EHHADH: variants seen among roughly 807,000 people sequenced by gnomAD.
EHHADH encodes enoyl-CoA hydratase and 3-hydroxyacyl CoA dehydrogenase.
A neutral mutation model predicts 64.4 loss-of-function variants in EHHADH; 48 were observed. That is an observed-to-expected ratio of 0.75 (90% CI 0.59 to 0.95). The LOEUF is 0.95. Among genes scored for constraint, EHHADH ranks in the 40% least tolerant of loss-of-function variants. EHHADH has a pLI of 0.00. For missense variants in EHHADH, 854 were observed against 876.6 expected, an observed-to-expected ratio of 0.97 and a Z score of 0.33; for synonymous variants, 308 against 326.7, an observed-to-expected ratio of 0.94 and a Z score of 0.62.
intron 5 of EHHADH, among the ~76,000 whole-genome samples, chr3:185,207,304 TAG>T (rs1476734694): frequency 6.6e-6 from 1 of 151,430 alleles, no homozygotes; most frequent in East Asian, 1.9e-4. Context: ...AAAAAAAAAT[TAG>T]ACATTGAGAT....
intron 4 of EHHADH, among the ~76,000 whole-genome samples, chr3:185,223,144 G>A (rs751104374): frequency 3.3e-5 from 5 of 152,052 alleles, no homozygotes; most frequent in Non-Finnish European, 7.4e-5. Context: ...TCAAAGCAGA[G>A]ACCTCTGTTA....
At chr3:185,201,009 TAA>T (rs1446122788) in intron 6 of EHHADH, among the ~76,000 whole-genome samples, 1 of 151,542 alleles carries the variant, frequency 6.6e-6, no homozygotes, top group Non-Finnish European at 1.5e-5. Flanking sequence ...GAGAAGAAAA[TAA>T]AGATAAGGGG....
At chr3:185,249,991 G>A (rs1178239485) in intron 1 of EHHADH, among the ~76,000 whole-genome samples, 1 of 152,176 alleles carries the variant, frequency 6.6e-6, no homozygotes, top group Non-Finnish European at 1.5e-5. Flanking sequence ...CAGCCACCTT[G>A]GATCAGGAGG....
intron 5 of EHHADH, among the ~76,000 whole-genome samples, chr3:185,206,300 T>G (rs1017754574): frequency 2.0e-4 from 30 of 150,754 alleles, no homozygotes; most frequent in Non-Finnish European, 1.0e-4. Context: ...AAAAAAAAAT[T>G]TAGGTCCTTA....
At chr3:185,210,055 G>C (rs1178908760) in intron 5 of EHHADH, among the ~76,000 whole-genome samples, 3 of 152,170 alleles carry the variant, frequency 2.0e-5, no homozygotes, top group Non-Finnish European at 4.4e-5. Flanking sequence ...ATGGACAATG[G>C]GGAGAGGAAG....
chr3:185,204,534 C>G lies in EHHADH; in HGVS notation c.792G>C (p.Gln264His). The change falls in exon 6 of 7, where the codon CAG becomes CAC. Residue 264 changes from glutamine (Q) to histidine (H), a missense_variant. Physicochemically the swap from Gln to His is conservative, Grantham distance 24. Coordinates refer to ENST00000231887, the MANE Select transcript of EHHADH (RefSeq NM_001966.4). ...AGAAAGCATATTGCAGGGCTCTAGC[C>G]TGCCCTGATTGCAAAAGATATAGAA... Reference protein sequence around the residue: ...ELFLYLLQSGQARALQYAFFA... With the variant: ...ELFLYLLQSGHARALQYAFFA... 1 of 1,614,188 alleles carries G rather than the reference C, an allele frequency of 6.2e-7. No homozygotes were observed. The highest frequency in any genetic ancestry group is 8.5e-7 in the Non-Finnish European group (1 of 1,180,022).
chr3:185,223,173 T>C (rs780905635), intron 4 of EHHADH, among the ~76,000 whole-genome samples: 5 of 152,236 alleles, frequency 3.3e-5, no homozygotes, highest in Non-Finnish European at 7.3e-5. Context: ...CCATGTCTGC[T>C]ATCTTCATTT....
intron 4 of EHHADH, among the ~76,000 whole-genome samples, chr3:185,225,998 C>T (rs1412472430): frequency 6.6e-6 from 1 of 152,152 alleles, no homozygotes; most frequent in African/African-American, 2.4e-5. Context: ...TTATCTCCAC[C>T]TGTCTATATC....
At chr3:185,211,516 C>T (rs1672886318) in intron 5 of EHHADH, among the ~76,000 whole-genome samples, 2 of 152,188 alleles carry the variant, frequency 1.3e-5, no homozygotes, top group Non-Finnish European at 2.9e-5. Context: ...AGAGACTCAA[C>T]ATGCGGTTCA....
chr3:185,229,287 T>G (rs1719089099), intron 4 of EHHADH, 145 bp downstream of exon 4: 1 of 412,726 alleles, frequency 2.4e-6, no homozygotes, highest in Admixed American at 4.4e-5. Context: ...TTCTCCATAT[T>G]ACAGATCAGA....
intron 6 of EHHADH, among the ~76,000 whole-genome samples, chr3:185,203,769 C>T (rs938242879): frequency 1.3e-5 from 2 of 152,050 alleles, no homozygotes; most frequent in African/African-American, 4.8e-5. Context: ...CAGGCCACAC[C>T]TTGAAATGTG....
At chr3:185,211,211 A>C (rs2058747029) in intron 5 of EHHADH, among the ~76,000 whole-genome samples, 1 of 152,220 alleles carries the variant, frequency 6.6e-6, no homozygotes, top group South Asian at 2.1e-4. Context: ...GGTAGTTTTC[A>C]AGTCACTCAG....
At chr3:185,223,858 GAC>G (rs1186042165) in intron 4 of EHHADH, among the ~76,000 whole-genome samples, 1 of 152,194 alleles carries the variant, frequency 6.6e-6, no homozygotes, top group Non-Finnish European at 1.5e-5. Context: ...AGAGGAGCAG[GAC>G]ACTGTAGTCC....
At chr3:185,250,300 G>A (rs17205271) in intron 1 of EHHADH, among the ~76,000 whole-genome samples, 8,692 of 152,230 alleles carry the variant, frequency 0.057, 330 homozygotes, top group Admixed American at 0.084. Flanking sequence ...GACTGAATGA[G>A]TCTACCAAAG....
At position 185,229,424 on chromosome 3, in the gene EHHADH, A is replaced by G. The variant is rs41268595; in HGVS notation, c.463+8T>C. On this transcript the variant is annotated splice_region_variant and intron_variant, in intron 4 of 6. Coordinates refer to ENST00000231887, the MANE Select transcript of EHHADH (RefSeq NM_001966.4). ...ATCTAGACAGTTGTTGCCAAGGTCTATACTGACCTGAGGTAATTAAGTCAA... is the reference window on the plus strand; with the variant it reads ...ATCTAGACAGTTGTTGCCAAGGTCTGTACTGACCTGAGGTAATTAAGTCAA... 0.072 allele frequency: 107,434 copies of G among 1,496,642 alleles called. 4,190 individuals carry two copies. Among genetic ancestry groups the G allele is most frequent in the Admixed American group, 0.1 (5,234 of 52,152 alleles). The allele number at this position is 1,496,642 out of a possible 1,614,324, so 92.7% of individuals were successfully genotyped here. A position where few individuals can be genotyped will look rare whatever the true frequency, so the allele number is the denominator to read the frequency against.
At chr3:185,251,606 A>ATG (rs1320272067) in intron 1 of EHHADH, among the ~76,000 whole-genome samples, 9 of 71,778 alleles carry the variant, frequency 1.3e-4, no homozygotes, top group African/African-American at 4.6e-4. Context: ...GAAAAAATTT[A>ATG]TATGTGTGTG....
At chr3:185,245,786 T>C (rs965486846) in intron 2 of EHHADH, 28 of 719,520 alleles carry the variant, frequency 3.9e-5, no homozygotes, top group Non-Finnish European at 6.5e-5. Context: ...ATCTGTAAAG[T>C]TGACAGAAGA....
At chr3:185,221,567 A>ATT (rs982017002) in intron 4 of EHHADH, among the ~76,000 whole-genome samples, 4 of 107,548 alleles carry the variant, frequency 3.7e-5, no homozygotes, top group African/African-American at 3.4e-5. Context: ...GCCTCATGAT[A>ATT]TTTTTTTTTC....
chr3:185,191,648 T>TATGTAGTG lies in EHHADH; in HGVS notation c.*577_*578insCACTACAT, dbSNP rs1717871467. 6.5e-6 allele frequency: 1 copy of TATGTAGTG among 153,104 alleles called. No homozygotes were observed. The highest frequency in any genetic ancestry group is 6.5e-5 in the Admixed American group (1 of 15,374). The allele number at this position is 153,104 out of a possible 1,614,324, so 9.5% of individuals were successfully genotyped here. On this transcript the variant is annotated 3_prime_UTR_variant, in exon 7 of 7. Transcript: ENST00000231887. ...TCTCTAAGACCCTTCTTACACTAAGTTAACGACTTACTACTTTCTATTATT... is the reference window on the plus strand; with the variant it reads ...TCTCTAAGACCCTTCTTACACTAAGTATGTAGTGTAACGACTTACTACTTTCTATTATT...
Sources: gnomAD v4.1 joint callset for allele counts (sites outside exome capture counted in the v4.1 genomes callset) on GRCh38, gnomAD v4.1.1 for gene constraint, MANE v1.5 for transcripts, NCBI Gene and HGNC (gene_info 2026-07-23, HGNC 2026-07-21) for gene names.